The following RASSF5 variants were observed in gnomAD, a reference collection of about 807,000 sequenced individuals.
RASSF5 encodes the protein ras association domain-containing protein 5.
In RASSF5, 25 loss-of-function variants were observed where a neutral mutation model predicts 40.5. The observed-to-expected ratio is 0.62, with a 90% confidence interval of 0.45 to 0.86. The LOEUF (loss-of-function observed/expected upper bound fraction) is 0.86. Among genes scored for constraint, RASSF5 ranks in the 40% least tolerant of loss-of-function variants. RASSF5 has a pLI of 0.00. For synonymous variants in RASSF5, 246 were observed against 252.4 expected, an observed-to-expected ratio of 0.97 and a Z score of 0.24; for missense variants, 521 against 572.8, an observed-to-expected ratio of 0.91 and a Z score of 0.92.
rs1253234338 is a variant in RASSF5, at chr1:206,523,738, A to T, written c.458-14434A>T. ...TACAATATATTTATATATTATATAT[A>T]ATATATTTTATATAATATACATAAT... On this transcript the variant is annotated intron_variant, in intron 1 of 5. Coordinates refer to ENST00000579436, the MANE Select transcript of RASSF5 (RefSeq NM_182663.4). 6.1e-5 allele frequency among the ~76,000 whole-genome samples: 6 copies of T among 97,778 alleles called. 1 individual carries two copies. In the South Asian group the frequency reaches 1.0e-3, roughly 17 times the overall value. 64.1% of individuals were successfully genotyped at this position (97,778 alleles called of 152,430 possible).
At chr1:206,554,687 T>C (rs1553401514) in intron 2 of RASSF5, among the ~76,000 whole-genome samples, 1 of 152,182 alleles carries the variant, frequency 6.6e-6, no homozygotes, top group Non-Finnish European at 1.5e-5. Context: ...CTATTATTGA[T>C]TATTCATAGG....
chr1:206,583,909 C>T (rs1553406912), intron 3 of RASSF5, among the ~76,000 whole-genome samples: 1 of 152,166 alleles, frequency 6.6e-6, no homozygotes, highest in Non-Finnish European at 1.5e-5. Flanking sequence ...GATGGAGCAC[C>T]AGAAAATCCA....
Position 206,584,551 on chromosome 1 carries a change from T to C in RASSF5, c.855T>C (p.Asp285=). ...DKRTSFYLPL[D]AIKQLHISST... is the part of the protein sequence containing the mutation. ...GGACATCCTTCTACCTGCCCCTAGA[T>C]GCCATCAAGCAGCTGCACATCAGCA... The change falls in exon 4 of 6, where the codon GAT becomes GAC. Residue 285 remains aspartate, a synonymous_variant. Coordinates refer to ENST00000579436, the MANE Select transcript of RASSF5 (RefSeq NM_182663.4). The surrounding 1 kb of genome is among the most constrained non-coding windows in gnomAD (Gnocchi z 4.9). The C allele has an allele frequency of 6.2e-7, 1 of 1,614,124 alleles. No homozygotes were observed. The highest frequency in any genetic ancestry group is 8.5e-7 in the Non-Finnish European group (1 of 1,180,006).
chr1:206,557,761 G>C, intron 2 of RASSF5: 1 of 1,552,040 alleles, frequency 6.4e-7, no homozygotes. Context: ...AATCTAGAAG[G>C]GAAACCTTGC....
intron 2 of RASSF5, among the ~76,000 whole-genome samples, chr1:206,571,748 A>G (rs369732413): frequency 2.7e-4 from 41 of 152,368 alleles, no homozygotes; most frequent in African/African-American, 9.6e-4. Context: ...TTCAGGCAGA[A>G]TGGTCAGATG....
intron 2 of RASSF5, among the ~76,000 whole-genome samples, chr1:206,540,879 A>G (rs2103525233): frequency 6.6e-6 from 1 of 151,550 alleles, no homozygotes; most frequent in East Asian, 1.9e-4. Context: ...TCTCAGTGGC[A>G]TTTCTCCTCT....
At chr1:206,520,606 C>A (rs1459628916) in intron 1 of RASSF5, among the ~76,000 whole-genome samples, 122 of 119,536 alleles carry the variant, frequency 1.0e-3, no homozygotes, top group Middle Eastern at 8.4e-3. Flanking sequence ...GACTCCATCT[C>A]AAAAAAAAAA....
chr1:206,546,089 A>AT (rs10603701), intron 2 of RASSF5, among the ~76,000 whole-genome samples: 8 of 48,228 alleles, frequency 1.7e-4, no homozygotes, highest in African/African-American at 4.9e-4. Flanking sequence ...TTCTTTTTCT[A>AT]TTTTTTTTTT....
chr1:206,573,492 C>T (rs1027536550), intron 2 of RASSF5, among the ~76,000 whole-genome samples: 18 of 152,200 alleles, frequency 1.2e-4, no homozygotes, highest in African/African-American at 3.6e-4. Context: ...GCTTCTCTCA[C>T]GGAACTCAGT....
rs74148005 is a variant in RASSF5, at chr1:206,529,544, C to T, written c.458-8628C>T. 9.0e-3 allele frequency: 9,090 copies of T among 1,011,118 alleles called. 575 individuals carry two copies. The African/African-American group carries it at 0.13, about 14-fold the overall frequency. The allele number at this position is 1,011,118 out of a possible 1,614,324, so 62.6% of individuals were successfully genotyped here. A position where few individuals can be genotyped will look rare whatever the true frequency, so the allele number is the denominator to read the frequency against. ...CACAGGTTAACTCAGAAGACAAGGG[C>T]GCTTTGGCTAAGCTGGTGGAAGCTA... On this transcript the variant is annotated intron_variant, in intron 1 of 5. Transcript: ENST00000579436.
intron 2 of RASSF5, among the ~76,000 whole-genome samples, chr1:206,581,881 A>AG (rs1302068204): frequency 3.3e-4 from 50 of 151,862 alleles, no homozygotes; most frequent in African/African-American, 9.4e-4. Context: ...TCTGTCACGG[A>AG]GGGGGGGCCC....
At chr1:206,576,634 C>T (rs1375269259) in intron 2 of RASSF5, among the ~76,000 whole-genome samples, 1 of 152,148 alleles carries the variant, frequency 6.6e-6, no homozygotes, top group Non-Finnish European at 1.5e-5. Flanking sequence ...TGCCAGGGAT[C>T]TGGTACATTA....
Position 206,579,641 on chromosome 1 carries a change from G to A in RASSF5, c.580-3628G>A, listed in dbSNP as rs946267859. 7.9e-5 allele frequency among the ~76,000 whole-genome samples: 12 copies of A among 151,900 alleles called. No individual in the cohort carries two copies. The highest frequency in any genetic ancestry group is 2.6e-4 in the Admixed American group (4 of 15,254). ...TTCAGTTCTTTTCGAATGTTGCTGC[G>A]AATTAAAATCAACTAGGAGATTTTT... On this transcript the variant is annotated intron_variant, in intron 2 of 5. Transcript: ENST00000579436. This position sits in a 1 kb window ranked among gnomAD's most constrained non-coding sequence, Gnocchi z 4.2.
rs1228993642 is a variant in RASSF5 at position 206,588,816 on chromosome 1, G to C, written c.*1838G>C. The C allele has an allele frequency of 6.6e-6, 1 of 152,670 alleles. No homozygotes were observed. Among genetic ancestry groups the C allele is most frequent in the East Asian group, 1.9e-4 (1 of 5,328 alleles). The allele number at this position is 152,670 out of a possible 1,614,324, so 9.5% of individuals were successfully genotyped here. On this transcript the variant is annotated 3_prime_UTR_variant, in exon 6 of 6. Transcript: ENST00000579436. ...ACTCTCTCCCTGCTGTATATTAAAG[G>C]GAGCAGGTGGAGAGTCATTTTCCTT...
In RASSF5 at chr1:206,560,498, G is replaced by A. The variant is rs544496557; in HGVS notation, c.579+22205G>A. On this transcript the variant is annotated intron_variant, in intron 2 of 5. Transcript: ENST00000579436. This position sits in a 1 kb window ranked among gnomAD's most constrained non-coding sequence, Gnocchi z 5.1. ...TCTTTTCAGAAAATGGCAGTTTCCT[G>A]GGGCCACGTGCCTCCTTTGAGAGGG... is the stretch of plus-strand genomic sequence containing the variant. Among the ~76,000 whole-genome samples the A allele has an allele frequency of 1.7e-4, 26 of 152,342 alleles. No individual in the cohort carries two copies. Among genetic ancestry groups the A allele is most frequent in the African/African-American group, 5.1e-4 (21 of 41,576 alleles).
chr1:206,511,425 T>C (rs534027401), intron 1 of RASSF5, among the ~76,000 whole-genome samples: 1 of 152,284 alleles, frequency 6.6e-6, no homozygotes, highest in South Asian at 2.1e-4. Flanking sequence ...TTCATCTCAT[T>C]TTGGTGGCTG....
chr1:206,517,200 T>C (rs1468655863), intron 1 of RASSF5, among the ~76,000 whole-genome samples: 2 of 152,160 alleles, frequency 1.3e-5, no homozygotes, highest in African/African-American at 4.8e-5. Flanking sequence ...CTGCTGGGCA[T>C]GGAGGCTTCA....
intron 2 of RASSF5, chr1:206,557,322 C>G: frequency 7.9e-7 from 1 of 1,264,384 alleles, no homozygotes; most frequent in East Asian, 3.5e-5. Flanking sequence ...GCGCCCGGGG[C>G]TCTGCAGGCG....
At chr1:206,527,835 G>A (rs933678957) in intron 1 of RASSF5, among the ~76,000 whole-genome samples, 1 of 152,144 alleles carries the variant, frequency 6.6e-6, no homozygotes, top group Non-Finnish European at 1.5e-5. Context: ...GTAGGGACCA[G>A]GAACAAGTGG....
Sources: gnomAD v4.1 joint callset for allele counts (sites outside exome capture counted in the v4.1 genomes callset) on GRCh38, gnomAD v4.1.1 for gene constraint, Gnocchi (gnomAD v3.1) non-coding constraint, MANE v1.5 for transcripts, NCBI Gene and HGNC (gene_info 2026-07-23, HGNC 2026-07-21) for gene names.